The following ATXN7L1 variants were observed in gnomAD, a reference collection of about 807,000 sequenced individuals.
ATXN7L1 encodes the protein ataxin-7-like protein 1.
ATXN7L1 carries 15 observed loss-of-function variants against 70.8 expected under a neutral mutation model. The ratio of observed to expected loss-of-function variants is 0.21; its 90% confidence interval spans 0.14 to 0.33. The LOEUF (loss-of-function observed/expected upper bound fraction) is 0.33, where lower values mean the gene tolerates loss of function less well. Ranked by LOEUF, ATXN7L1 falls within the 10% of genes least tolerant of loss-of-function variation. The probability of loss-of-function intolerance (pLI) is 1.00; values close to 1 mark genes in which losing one functional copy is unlikely to be tolerated. For synonymous variants in ATXN7L1, 440 were observed against 445.1 expected, an observed-to-expected ratio of 0.99 and a Z score of 0.14; for missense variants, 975 against 1,097.1, an observed-to-expected ratio of 0.89 and a Z score of 1.57.
At chr7:105,644,307 A>G (rs1226295461) in intron 4 of ATXN7L1, among the ~76,000 whole-genome samples, 1 of 152,112 alleles carries the variant, frequency 6.6e-6, no homozygotes, top group Non-Finnish European at 1.5e-5. Context: ...TGCCCCTTTT[A>G]TGACTCTGAA....
At chr7:105,769,257 C>A (rs1028797694) in intron 3 of ATXN7L1, among the ~76,000 whole-genome samples, 3 of 152,208 alleles carry the variant, frequency 2.0e-5, no homozygotes, top group South Asian at 2.1e-4. Context: ...AGAAGACTCT[C>A]AACTGTTTTC....
intron 4 of ATXN7L1, among the ~76,000 whole-genome samples, chr7:105,664,572 TG>T (rs1261176039): frequency 7.6e-5 from 11 of 144,202 alleles, no homozygotes; most frequent in Non-Finnish European, 1.7e-4. Context: ...TATGTATGTG[TG>T]TGTATATATA....
intron 7 of ATXN7L1, among the ~76,000 whole-genome samples, chr7:105,624,905 T>C (rs77233428): frequency 0.18 from 27,128 of 152,176 alleles, 2,517 homozygotes; most frequent in Middle Eastern, 0.24. Flanking sequence ...CCTACACCAG[T>C]CTTCTATGAA....
At chr7:105,841,083 G>T (rs559092930) in intron 2 of ATXN7L1, among the ~76,000 whole-genome samples, 1 of 152,210 alleles carries the variant, frequency 6.6e-6, no homozygotes, top group African/African-American at 2.4e-5. Context: ...TCTGAGACAG[G>T]AGCAACACTG....
Position 105,639,587 on chromosome 7 carries a change from C to A in ATXN7L1, c.863-18G>T, listed in dbSNP as rs1173500658. ...TTCTCTCTCTGGTTTAAGAAACAAACAAAAAATATAAGAAAAAAGGAGACT... is the reference window on the plus strand; with the variant it reads ...TTCTCTCTCTGGTTTAAGAAACAAAAAAAAAATATAAGAAAAAAGGAGACT... On this transcript the variant is annotated intron_variant, in intron 5 of 11. Transcript: ENST00000419735. 6.6e-7 allele frequency: 1 copy of A among 1,518,586 alleles called. No homozygotes were observed. Among genetic ancestry groups the A allele is most frequent in the Admixed American group, 2.0e-5 (1 of 49,126 alleles). The allele number at this position is 1,518,586 out of a possible 1,614,324, so 94.1% of individuals were successfully genotyped here.
At chr7:105,698,307 A>G (rs551068172) in intron 3 of ATXN7L1, among the ~76,000 whole-genome samples, 1 of 152,294 alleles carries the variant, frequency 6.6e-6, no homozygotes, top group East Asian at 1.9e-4. Flanking sequence ...AGACATTGTA[A>G]CTGATGTCAC....
rs1470138318 is a variant in ATXN7L1, at chr7:105,733,521, T to C, written c.355+55083A>G. 2.8e-4 allele frequency among the ~76,000 whole-genome samples: 32 copies of C among 116,130 alleles called. 2 individuals are homozygous for C. Among genetic ancestry groups the C allele is most frequent in the African/African-American group, 9.0e-4 (24 of 26,786 alleles). 76.2% of individuals were successfully genotyped at this position (116,130 alleles called of 152,430 possible). ...ATCCATCCTTCCATCCATCCACCCA[T>C]CCATCCATCCATCCATCCACCCATC... On this transcript the variant is annotated intron_variant, in intron 3 of 11. Transcript: ENST00000419735.
chr7:105,692,389 C>T (rs868741991), intron 3 of ATXN7L1, among the ~76,000 whole-genome samples: 67 of 110,726 alleles, frequency 6.1e-4, no homozygotes, highest in African/African-American at 2.4e-3. Context: ...TTCCTTCCTT[C>T]CTTCCTTCCT....
intron 2 of ATXN7L1, among the ~76,000 whole-genome samples, chr7:105,865,649 C>A (rs936038149): frequency 6.6e-6 from 1 of 152,324 alleles, no homozygotes. Flanking sequence ...GATCTGCCCA[C>A]CTTGGCCTCC....
At chr7:105,804,829 C>G (rs978257373) in intron 2 of ATXN7L1, among the ~76,000 whole-genome samples, 1 of 152,150 alleles carries the variant, frequency 6.6e-6, no homozygotes, top group African/African-American at 2.4e-5. Context: ...GGCTCCCAGT[C>G]TCACAGTTTG....
At chr7:105,711,520 C>T (rs1309656796) in intron 3 of ATXN7L1, among the ~76,000 whole-genome samples, 1 of 152,162 alleles carries the variant, frequency 6.6e-6, no homozygotes, top group Non-Finnish European at 1.5e-5. Flanking sequence ...GAGAAATTGG[C>T]CAAAACAAAG....
chr7:105,613,507 A>G, intron 10 of ATXN7L1: 2 of 1,171,504 alleles, frequency 1.7e-6, no homozygotes, highest in Non-Finnish European at 2.1e-6. Context: ...CAATGTTCTC[A>G]GAACCTCAAA....
At chr7:105,819,781 G>C (rs897681317) in intron 2 of ATXN7L1, 2 of 675,210 alleles carry the variant, frequency 3.0e-6, no homozygotes, top group Non-Finnish European at 2.8e-6. Flanking sequence ...AGGCCGGGCC[G>C]CCCTGGAGCG....
intron 4 of ATXN7L1, among the ~76,000 whole-genome samples, chr7:105,659,419 G>T (rs1440380245): frequency 1.3e-5 from 2 of 152,214 alleles, no homozygotes; most frequent in African/African-American, 4.8e-5. Flanking sequence ...TAACTACTGG[G>T]CAGGAGGAAG....
chr7:105,862,245 G>C (rs998340174), intron 2 of ATXN7L1, among the ~76,000 whole-genome samples: 12 of 152,078 alleles, frequency 7.9e-5, no homozygotes, highest in African/African-American at 2.4e-4. Flanking sequence ...GACCAGCCTA[G>C]GCAACATAGG....
intron 3 of ATXN7L1, among the ~76,000 whole-genome samples, chr7:105,728,394 G>A (rs951945558): frequency 2.6e-5 from 4 of 152,128 alleles, no homozygotes; most frequent in Non-Finnish European, 4.4e-5. Flanking sequence ...GTAGATGCTG[G>A]GTTTCTTACT....
intron 2 of ATXN7L1, among the ~76,000 whole-genome samples, chr7:105,795,531 C>T (rs1375629703): frequency 2.6e-5 from 4 of 152,152 alleles, no homozygotes; most frequent in African/African-American, 9.7e-5. Context: ...TGGATACCTT[C>T]CAAGGCTCGA....
intron 11 of ATXN7L1, among the ~76,000 whole-genome samples, chr7:105,609,357 C>T (rs547414662): frequency 6.6e-5 from 10 of 152,098 alleles, no homozygotes; most frequent in African/African-American, 4.8e-5. Flanking sequence ...TTAGTAGAGA[C>T]GGGGTTTCAC....
At chr7:105,706,723 T>C (rs1038529703) in intron 3 of ATXN7L1, among the ~76,000 whole-genome samples, 2 of 152,260 alleles carry the variant, frequency 1.3e-5, no homozygotes, top group African/African-American at 2.4e-5. Context: ...CTGTGGCTTC[T>C]AGGTCCCCGA....
Sources: allele counts gnomAD v4.1 joint callset (sites outside exome capture counted in the v4.1 genomes callset), GRCh38; gene constraint gnomAD v4.1.1; transcripts MANE v1.5; gene names NCBI Gene and HGNC (gene_info 2026-07-23, HGNC 2026-07-21).